RAPGEF1: variants seen among roughly 807,000 people sequenced by gnomAD.
RAPGEF1 encodes Rap guanine nucleotide exchange factor 1.
Under a neutral mutation model 143.3 loss-of-function variants are expected in RAPGEF1, and 33 were observed. The observed-to-expected ratio is 0.23, with a 90% CI of 0.17 to 0.31. The LOEUF (loss-of-function observed/expected upper bound fraction) is 0.31, where lower values mean the gene tolerates loss of function less well. RAPGEF1 is among the 10% of genes least tolerant of loss of function. The probability of loss-of-function intolerance (pLI) is 1.00; values close to 1 mark genes in which losing one functional copy is unlikely to be tolerated. For synonymous variants in RAPGEF1, 629 were observed against 676.5 expected, an observed-to-expected ratio of 0.93 and a Z score of 1.09; for missense variants, 1,199 against 1,645.4, an observed-to-expected ratio of 0.73 and a Z score of 4.69.
In RAPGEF1 at chr9:131,661,050, G is replaced by A. The variant is rs189416120; in HGVS notation, c.62-10101C>T. On this transcript the variant is annotated intron_variant, in intron 1 of 26. Transcript: ENST00000683357. The stretch of plus-strand genomic sequence containing the variant: ...AAAAGAAAAAACAGGGAACACTATC[G>A]GTGTTGTGGATGAAGAGAAGGGGGA... Among the ~76,000 whole-genome samples, 49 of 152,282 alleles carry A rather than the reference G, an allele frequency of 3.2e-4. No homozygotes were observed. The East Asian group carries it at 5.8e-3, about 18-fold the overall frequency.
At position 131,619,114 on chromosome 9, in the gene RAPGEF1, C is replaced by T; in HGVS notation, c.1998G>A (p.Gln666=). The change falls in exon 12 of 27, where the codon CAG becomes CAA. Residue 666 remains glutamine, a synonymous_variant. Transcript: ENST00000683357. ...AFTPEDGSAA[Q]GLSVSVSNSF... ...AGTTAGAGACGGACACACTGAGGCC[C>T]TGAGCGGCACTGCCGTCCTCGGGGG... 7.4e-7 allele frequency: 1 copy of T among 1,347,482 alleles called. No homozygotes were observed. The highest frequency in any genetic ancestry group is 2.1e-4 in the Middle Eastern group (1 of 4,752). The allele number at this position is 1,347,482 out of a possible 1,614,324, so 83.5% of individuals were successfully genotyped here. A position where few individuals can be genotyped will look rare whatever the true frequency, so the allele number is the denominator to read the frequency against.
At chr9:131,644,531 G>A (rs1969014873) in intron 3 of RAPGEF1, among the ~76,000 whole-genome samples, 1 of 152,114 alleles carries the variant, frequency 6.6e-6, no homozygotes, top group African/African-American at 2.4e-5. Flanking sequence ...GGATCTCAGA[G>A]GTCTAGAGGA....
In RAPGEF1 at chr9:131,737,399, T is replaced by C. The variant is rs370829915; in HGVS notation, c.61+2371A>G. On this transcript the variant is annotated intron_variant, in intron 1 of 26. Coordinates refer to ENST00000683357, the MANE Select transcript of RAPGEF1 (RefSeq NM_001377935.1). ...CATTCCCGCACTCATGACACCCCTC[T>C]CTCACCTGTGTCCATGGCAGCACGG... 4.3e-6 allele frequency: 7 copies of C among 1,613,630 alleles called. No individual in the cohort carries two copies. In the African/African-American group the frequency reaches 8.0e-5, roughly 18 times the overall value.
chr9:131,638,560 C>G, intron 5 of RAPGEF1, 75 bp downstream of exon 5: 5 of 1,543,990 alleles, frequency 3.2e-6, no homozygotes, highest in Non-Finnish European at 4.5e-6. Flanking sequence ...CAGGAGCAAG[C>G]TCTTATGTGA....
chr9:131,664,891 A>G (rs562822172), intron 1 of RAPGEF1, among the ~76,000 whole-genome samples: 1 of 152,358 alleles, frequency 6.6e-6, no homozygotes, highest in East Asian at 1.9e-4. Flanking sequence ...AAAAAACTAC[A>G]TAACTTCTGT....
chr9:131,644,773 G>A (rs574881527), intron 3 of RAPGEF1, among the ~76,000 whole-genome samples: 26 of 151,902 alleles, frequency 1.7e-4, no homozygotes, highest in Non-Finnish European at 3.5e-4. Flanking sequence ...GGACCAGCCT[G>A]GGCAACATAG....
chr9:131,733,912 G>A lies in RAPGEF1; in HGVS notation c.61+5858C>T, dbSNP rs182792984. On this transcript the variant is annotated intron_variant, in intron 1 of 26. Transcript: ENST00000683357. ...GGCTACAAGGAATCCCATTCAAACC[G>A]CCTCTGCCAACAGCTGCTCTGGAGA... Among the ~76,000 whole-genome samples, 246 of 152,262 alleles carry A rather than the reference G, an allele frequency of 1.6e-3. 2 individuals are homozygous for A. In the East Asian group the frequency reaches 0.017, roughly 10 times the overall value.
In RAPGEF1 at chr9:131,646,036, G is replaced by C. The variant is rs963293761; in HGVS notation, c.316-2619C>G. ...ATATACCTGCCAGTAATAAAGCAGAGAAAGAGGGCCTAGGATGGGAACATC... is the reference window on the plus strand; with the variant it reads ...ATATACCTGCCAGTAATAAAGCAGACAAAGAGGGCCTAGGATGGGAACATC... On this transcript the variant is annotated intron_variant, in intron 3 of 26. Coordinates refer to ENST00000683357, the MANE Select transcript of RAPGEF1 (RefSeq NM_001377935.1). Among the ~76,000 whole-genome samples, 5 of 152,252 alleles carry C rather than the reference G, an allele frequency of 3.3e-5. No homozygotes were observed. The East Asian group carries it at 7.7e-4, about 23-fold the overall frequency.
intron 1 of RAPGEF1, among the ~76,000 whole-genome samples, chr9:131,716,728 G>A (rs1163576205): frequency 1.3e-5 from 2 of 152,278 alleles, no homozygotes; most frequent in South Asian, 2.1e-4. Context: ...AGCCAAGATC[G>A]CGCCATTGCA....
At position 131,675,872 on chromosome 9, in the gene RAPGEF1, C is replaced by T. The variant is rs1372242114; in HGVS notation, c.62-24923G>A. ...GCAAAGTCACAGCATGATTGGGAAA[C>T]AGCCTGAACTCGAACTGCTCAGTTT... On this transcript the variant is annotated intron_variant, in intron 1 of 26. Transcript: ENST00000683357. The surrounding 1 kb of genome is among the most constrained non-coding windows in gnomAD (Gnocchi z 4.6). Among the ~76,000 whole-genome samples, 3 of 152,056 alleles carry T rather than the reference C, an allele frequency of 2.0e-5. No individual in the cohort carries two copies. Among genetic ancestry groups the T allele is most frequent in the South Asian group, 4.2e-4 (2 of 4,818 alleles).
rs1296884150 is a variant in RAPGEF1 at position 131,603,960 on chromosome 9, C to T, written c.2412+1G>A. 7.6e-7 allele frequency: 1 copy of T among 1,318,940 alleles called. No individual in the cohort carries two copies. The highest frequency in any genetic ancestry group is 1.0e-6 in the Non-Finnish European group (1 of 995,504). 81.7% of individuals were successfully genotyped at this position (1,318,940 alleles called of 1,614,324 possible). ...GCAGGAGGCCGCCCGAGGTTACTTA[C>T]TCCTCGAGAGGGAGCCAGCTCCTCG... On this transcript the variant is annotated splice_donor_variant, in intron 14 of 26. Transcript: ENST00000683357. LOFTEE classifies it high-confidence loss of function.
intron 1 of RAPGEF1, among the ~76,000 whole-genome samples, chr9:131,671,599 G>A (rs1462297708): frequency 6.6e-6 from 1 of 152,228 alleles, no homozygotes; most frequent in Non-Finnish European, 1.5e-5. Flanking sequence ...CTCCAACCCA[G>A]GGCTATGGCA....
chr9:131,599,468 G>A (rs184129355), intron 15 of RAPGEF1, among the ~76,000 whole-genome samples: 2 of 148,100 alleles, frequency 1.4e-5, no homozygotes, highest in South Asian at 2.1e-4. Context: ...AGTGGTCACA[G>A]TAGCACAGAG....
intron 13 of RAPGEF1, among the ~76,000 whole-genome samples, chr9:131,604,562 G>A (rs1956799181): frequency 6.6e-6 from 1 of 152,224 alleles, no homozygotes; most frequent in Non-Finnish European, 1.5e-5. Flanking sequence ...GAAGGGCTTT[G>A]TACCTTTCCC....
rs569599306 is a variant in RAPGEF1 at position 131,641,352 on chromosome 9, C to G, written c.494+1887G>C. Among the ~76,000 whole-genome samples, 13 of 152,284 alleles carry G rather than the reference C, an allele frequency of 8.5e-5. No homozygotes were observed. Among genetic ancestry groups the G allele is most frequent in the Admixed American group, 3.9e-4 (6 of 15,306 alleles). On this transcript the variant is annotated intron_variant, in intron 4 of 26. Transcript: ENST00000683357. This position sits in a 1 kb window ranked among gnomAD's most constrained non-coding sequence, Gnocchi z 4.6. ...GCCCGAGTCGCCGCCCTCCCCTCCC[C>G]GGGATACACCAGGCCCAGTGGCCTC...
chr9:131,615,113 C>CA (rs1588463130), intron 12 of RAPGEF1, among the ~76,000 whole-genome samples: 9 of 152,296 alleles, frequency 5.9e-5, no homozygotes, highest in East Asian at 3.9e-4. Context: ...TGCTCTGTTG[C>CA]CCAGGCTGGA....
At chr9:131,603,889 C>T (rs551485436) in intron 14 of RAPGEF1, 72 bp downstream of exon 14, 142 of 931,380 alleles carry the variant, frequency 1.5e-4, no homozygotes, top group Middle Eastern at 5.8e-4. Flanking sequence ...GCGGGGGAAG[C>T]GGCCTCGGGA....
chr9:131,650,136 C>G lies in RAPGEF1; in HGVS notation c.308G>C (p.Arg103Thr), dbSNP rs375205005. 6.2e-7 allele frequency: 1 copy of G among 1,611,600 alleles called. No homozygotes were observed. The highest frequency in any genetic ancestry group is 8.5e-7 in the Non-Finnish European group (1 of 1,177,896). Residue 103 changes from arginine to threonine, a missense_variant, in exon 3 of 27, where the codon AGG (arginine) becomes ACG (threonine). By Grantham distance (71) the Arg-to-Thr change is moderately conservative (BLOSUM62 -1). Around this residue, in one of 6 missense-constraint regions of RAPGEF1, gnomAD observed 613 missense variants for 710.9 expected, o/e 0.86. Coordinates refer to ENST00000683357, the MANE Select transcript of RAPGEF1 (RefSeq NM_001377935.1). This position sits in a 1 kb window ranked among gnomAD's most constrained non-coding sequence, Gnocchi z 4.7. Reference sequence around the variant, plus strand: ...TCTTAATGTTACACTGACCTTCTGCCTTTGAGACCTGGAAGCCACAGCACT... The same window carrying G: ...TCTTAATGTTACACTGACCTTCTGCGTTTGAGACCTGGAAGCCACAGCACT... ...STSAVASRSQ[R>T]QKNLSWLEEK...
intron 1 of RAPGEF1, among the ~76,000 whole-genome samples, chr9:131,721,310 CG>C (rs1264700231): frequency 9.2e-5 from 14 of 152,156 alleles, no homozygotes; most frequent in Non-Finnish European, 1.5e-5. Flanking sequence ...AGGCAGAAGC[CG>C]GGAAGTGTGC....
Sources: gnomAD v4.1 joint callset for allele counts (sites outside exome capture counted in the v4.1 genomes callset) on GRCh38, gnomAD v4.1.1 for gene constraint, gnomAD v4.1.1 regional missense constraint, Gnocchi (gnomAD v3.1) non-coding constraint, MANE v1.5 for transcripts, NCBI Gene and HGNC (gene_info 2026-07-23, HGNC 2026-07-21) for gene names.